ARHGEF11: variants seen among roughly 807,000 people sequenced by gnomAD.
ARHGEF11 encodes Rho guanine nucleotide exchange factor 11.
Under a neutral mutation model 193.7 loss-of-function variants are expected in ARHGEF11, and 55 were observed. The observed-to-expected ratio is 0.28, with a 90% CI of 0.23 to 0.36. The LOEUF is 0.36. Ranked by LOEUF, ARHGEF11 falls within the 10% of genes least tolerant of loss-of-function variation. ARHGEF11 has a pLI of 1.00. For missense variants in ARHGEF11, 1,723 were observed against 2,005.6 expected (o/e 0.86, Z 2.69); for synonymous variants, 693 against 768.0 (o/e 0.90, Z 1.62).
intron 21 of ARHGEF11, among the ~76,000 whole-genome samples, chr1:156,954,380 C>CAAAAAAAAAAAAAAAAA: frequency 1.3e-5 from 1 of 75,148 alleles, no homozygotes; most frequent in Non-Finnish European, 2.5e-5. Flanking sequence ...ACTGTGTCTC[C>CAAAAAAAAAAAAAAAAA]AAAAAAAAAA....
chr1:156,940,609 G>C (rs1656626391), intron 35 of ARHGEF11, among the ~76,000 whole-genome samples, 184 bp from the exon 36 acceptor site: 1 of 152,170 alleles, frequency 6.6e-6, no homozygotes, highest in African/African-American at 2.4e-5. Flanking sequence ...AAAACAAAAA[G>C]ATCCCTGCCT....
intron 13 of ARHGEF11, 78 bp from the exon 14 acceptor site, chr1:156,961,853 T>C (rs1034096019): frequency 1.6e-6 from 2 of 1,262,726 alleles, no homozygotes; most frequent in Non-Finnish European, 2.3e-6. Flanking sequence ...CGTTTGGCCA[T>C]GTCTGGAGAC....
chr1:156,989,921 A>AT (rs1169684113), intron 1 of ARHGEF11, among the ~76,000 whole-genome samples: 1 of 152,114 alleles, frequency 6.6e-6, no homozygotes, highest in East Asian at 1.9e-4. Flanking sequence ...CTTTACCCCT[A>AT]TTTTAGCCTA....
chr1:156,965,004 T>C (rs1399097418), intron 11 of ARHGEF11, among the ~76,000 whole-genome samples: 1 of 152,204 alleles, frequency 6.6e-6, no homozygotes, highest in East Asian at 1.9e-4. Context: ...TGTTATAGAA[T>C]GACATAACAG....
intron 8 of ARHGEF11, among the ~76,000 whole-genome samples, chr1:156,971,377 T>G (rs1167650045): frequency 1.3e-5 from 2 of 152,214 alleles, no homozygotes; most frequent in Non-Finnish European, 2.9e-5. Context: ...ATACATCCAC[T>G]ATGAAGAACT....
Position 156,990,120 on chromosome 1 carries a change from C to G in ARHGEF11, c.33-3947G>C, listed in dbSNP as rs142552058. ...AATCAAAGATCTCGAATTATACTTA[C>G]GTCCTGTCTCTCAGATTAATTTGAT... is the stretch of plus-strand genomic sequence containing the variant. On this transcript the variant is annotated intron_variant, in intron 1 of 40. Transcript: ENST00000368194. 2.2e-3 allele frequency among the ~76,000 whole-genome samples: 330 copies of G among 152,324 alleles called. 1 individual carries two copies. Among genetic ancestry groups the G allele is most frequent in the Middle Eastern group, 6.8e-3 (2 of 294 alleles).
chr1:156,974,058 TTTTTTC>T (rs549043085), intron 7 of ARHGEF11, among the ~76,000 whole-genome samples: 13 of 152,042 alleles, frequency 8.6e-5, no homozygotes, highest in East Asian at 3.8e-4. Context: ...ACTCACTGCA[TTTTTTC>T]TTTTTCTTTT....
At chr1:156,968,873 G>A (rs1662111638) in intron 10 of ARHGEF11, among the ~76,000 whole-genome samples, 1 of 152,156 alleles carries the variant, frequency 6.6e-6, no homozygotes, top group Non-Finnish European at 1.5e-5. Flanking sequence ...AGCAAAAAAA[G>A]ACTACCACTT....
At chr1:156,946,640 C>T (rs1658184112) in intron 28 of ARHGEF11, 22 bp downstream of exon 28, 13 of 1,612,756 alleles carry the variant, frequency 8.1e-6, no homozygotes, top group African/African-American at 1.3e-5. Flanking sequence ...GAAGGAAGGC[C>T]AAGGCATGGC....
chr1:157,039,381 A>G (rs1033312566), intron 1 of ARHGEF11, among the ~76,000 whole-genome samples: 1 of 152,232 alleles, frequency 6.6e-6, no homozygotes, highest in Non-Finnish European at 1.5e-5. Flanking sequence ...TTGCAAGGTC[A>G]TTCACCCAGC....
intron 35 of ARHGEF11, among the ~76,000 whole-genome samples, chr1:156,940,839 T>C (rs1018398154): frequency 6.6e-6 from 1 of 152,054 alleles, no homozygotes; most frequent in Non-Finnish European, 1.5e-5. Context: ...AGGAAAAGCA[T>C]TCTAAGCAGA....
At chr1:156,937,912 C>T (rs1343529679) in intron 38 of ARHGEF11, among the ~76,000 whole-genome samples, 2 of 152,226 alleles carry the variant, frequency 1.3e-5, no homozygotes, top group Non-Finnish European at 2.9e-5. Flanking sequence ...CCCTGCCCCT[C>T]TTCCATCCAT....
chr1:156,983,398 A>AT (rs575921443), intron 3 of ARHGEF11, among the ~76,000 whole-genome samples: 191 of 151,926 alleles, frequency 1.3e-3, no homozygotes, highest in African/African-American at 4.4e-3. Context: ...ATTTCTTTGT[A>AT]TTTTTAGTAG....
chr1:157,009,807 T>C (rs1017141734), intron 1 of ARHGEF11, among the ~76,000 whole-genome samples: 1 of 152,316 alleles, frequency 6.6e-6, no homozygotes, highest in Middle Eastern at 3.4e-3. Context: ...TGTAATCTTA[T>C]TATTTGCCAC....
chr1:156,936,771 T>C (rs1325039324), intron 40 of ARHGEF11, 45 bp downstream of exon 40: 2 of 1,581,452 alleles, frequency 1.3e-6, no homozygotes, highest in East Asian at 2.2e-5. Flanking sequence ...GTTGGCAGAC[T>C]TCTCCCCCAA....
intron 3 of ARHGEF11, among the ~76,000 whole-genome samples, chr1:156,983,789 A>G (rs548724894): frequency 6.6e-6 from 1 of 152,366 alleles, no homozygotes; most frequent in South Asian, 2.1e-4. Context: ...GAAAATGACT[A>G]TGCCTCAAAT....
intron 1 of ARHGEF11, among the ~76,000 whole-genome samples, chr1:157,035,566 C>T (rs12411007): frequency 0.17 from 25,871 of 151,540 alleles, 2,266 homozygotes; most frequent in East Asian, 0.33. Flanking sequence ...CCACCACGTG[C>T]GGCTAATTTT....
intron 11 of ARHGEF11, 62 bp from the exon 12 acceptor site, chr1:156,963,656 T>C: frequency 1.9e-6 from 3 of 1,585,426 alleles, no homozygotes; most frequent in Non-Finnish European, 2.6e-6. Flanking sequence ...TTCAACCACC[T>C]CAGTGAAGTT....
chr1:156,940,337 C>T lies in ARHGEF11; in HGVS notation c.3603G>A (p.Leu1201=), dbSNP rs771963634. The T allele has an allele frequency of 1.2e-6, 2 of 1,613,976 alleles. No individual in the cohort carries two copies. The highest frequency in any genetic ancestry group is 1.7e-6 in the Non-Finnish European group (2 of 1,179,910). Residue 1201 remains leucine (L), a synonymous_variant, in exon 36 of 41, where the codon CTG becomes CTA. Coordinates refer to ENST00000368194, the MANE Select transcript of ARHGEF11 (RefSeq NM_198236.3). ...ATGTGGAAGGGCAAGGCAGGACACC[C>T]AGTTCCTCTTCCTCTGCACTGCCCT... is the stretch of plus-strand genomic sequence containing the variant. ...EQEGSAEEEE[L]GVLPCPSTSL...
Sources: gnomAD v4.1 joint callset for allele counts (sites outside exome capture counted in the v4.1 genomes callset) on GRCh38, gnomAD v4.1.1 for gene constraint, MANE v1.5 for transcripts, NCBI Gene and HGNC (gene_info 2026-07-23, HGNC 2026-07-21) for gene names.